Variants in ACP6 observed in about 807,000 individuals in gnomAD.
ACP6 encodes acid phosphatase 6, lysophosphatidic.
Under a neutral mutation model 48.1 loss-of-function variants are expected in ACP6, and 48 were observed. That is an observed-to-expected ratio of 1.00 (90% CI 0.79 to 1.27). ACP6 has a LOEUF of 1.27. Ranked by LOEUF, ACP6 falls within the 50% of genes most tolerant of loss-of-function variation. The pLI, the probability that ACP6 is intolerant of heterozygous loss-of-function variation, is 0.00. For missense variants in ACP6, 485 were observed against 529.1 expected, an observed-to-expected ratio of 0.92 and a Z score of 0.82; for synonymous variants, 172 against 204.2, an observed-to-expected ratio of 0.84 and a Z score of 1.34.
chr1:147,635,773 G>A (rs782639683), intron 5 of ACP6, among the ~76,000 whole-genome samples: 4 of 152,188 alleles, frequency 2.6e-5, no homozygotes, highest in Non-Finnish European at 5.9e-5. Context: ...GAGCCAAGTG[G>A]AGGGCCAAGA....
chr1:147,654,995 C>T (rs1211034424), intron 5 of ACP6, among the ~76,000 whole-genome samples, 166 bp downstream of exon 5: 5 of 152,214 alleles, frequency 3.3e-5, no homozygotes, highest in African/African-American at 9.6e-5. Context: ...AAGACTTCTT[C>T]GCTTCCTAGA....
chr1:147,658,927 G>A, intron 4 of ACP6, 33 bp downstream of exon 4: 2 of 1,576,328 alleles, frequency 1.3e-6, no homozygotes, highest in Non-Finnish European at 1.7e-6. Context: ...GACCCCTCAG[G>A]GACAGGGACT....
Position 147,642,506 on chromosome 1 carries a change from T to A in ACP6, c.*4917A>T, listed in dbSNP as rs1659486051. On this transcript the variant is annotated 3_prime_UTR_variant, in exon 10 of 10. Coordinates refer to ENST00000583509, the MANE Select transcript of ACP6 (RefSeq NM_016361.5). ...TTTTTAAACATACTATAGGTCTGGC[T>A]AGGGAGATATGTGAGGGGTGAAGCT... The A allele has an allele frequency of 6.6e-6, 1 of 151,272 alleles. No individual in the cohort carries two copies. Among genetic ancestry groups the A allele is most frequent in the Non-Finnish European group, 1.5e-5 (1 of 67,942 alleles). 9.4% of individuals were successfully genotyped at this position (151,272 alleles called of 1,614,324 possible). A position where few individuals can be genotyped will look rare whatever the true frequency, so the allele number is the denominator to read the frequency against.
intron 1 of ACP6, among the ~76,000 whole-genome samples, chr1:147,668,440 C>T (rs1660913751): frequency 6.6e-6 from 1 of 151,010 alleles, no homozygotes; most frequent in Non-Finnish European, 1.5e-5. Flanking sequence ...ATATATGGTA[C>T]ATACTAGGTC....
At chr1:147,631,947 C>T (rs1458248047) in intron 5 of ACP6, among the ~76,000 whole-genome samples, 7 of 152,280 alleles carry the variant, frequency 4.6e-5, no homozygotes, top group African/African-American at 1.7e-4. Context: ...CCCAGCGCCT[C>T]TCCAGTTTTG....
intron 4 of ACP6, among the ~76,000 whole-genome samples, chr1:147,656,162 C>T (rs1241468867): frequency 1.3e-5 from 2 of 152,208 alleles, no homozygotes; most frequent in African/African-American, 4.8e-5. Flanking sequence ...AGAATTCACA[C>T]ACACATCGTT....
downstream of ACP6, among the ~76,000 whole-genome samples, chr1:147,640,704 G>A (rs1659424651): frequency 6.6e-6 from 1 of 152,188 alleles, no homozygotes. Context: ...GGTCTCTTGA[G>A]TTCTCAGACA....
At chr1:147,666,805 G>A (rs587768726) in intron 1 of ACP6, among the ~76,000 whole-genome samples, 13 of 152,156 alleles carry the variant, frequency 8.5e-5, no homozygotes, top group Admixed American at 2.6e-4. Flanking sequence ...CTGAAGAATG[G>A]GTGGACCTCA....
Position 147,670,043 on chromosome 1 carries a change from G to T in ACP6, c.6C>A (p.Ile2=), listed in dbSNP as rs782183562. The T allele has an allele frequency of 6.6e-7, 1 of 1,512,154 alleles. No individual in the cohort carries two copies. The highest frequency in any genetic ancestry group is 1.2e-5 in the South Asian group (1 of 82,762). The allele number at this position is 1,512,154 out of a possible 1,614,324, so 93.7% of individuals were successfully genotyped here. M[I]TGVFSMRLWT... The stretch of plus-strand genomic sequence containing the variant: ...ACAAGCGCATGCTGAACACACCAGT[G>T]ATCATGGTGGTAGGCCCTCGCTGCC... Residue 2 remains isoleucine (I), a synonymous_variant, in exon 1 of 10, where the codon ATC becomes ATA. Coordinates refer to ENST00000583509, the MANE Select transcript of ACP6 (RefSeq NM_016361.5).
chr1:147,657,205 G>C (rs1660300337), intron 4 of ACP6, among the ~76,000 whole-genome samples: 1 of 149,242 alleles, frequency 6.7e-6, no homozygotes, highest in Admixed American at 6.8e-5. Flanking sequence ...CTGGATTTTG[G>C]ACCCAGTTTA....
At chr1:147,635,776 G>A (rs587630200) in intron 5 of ACP6, among the ~76,000 whole-genome samples, 1 of 152,272 alleles carries the variant, frequency 6.6e-6, no homozygotes, top group East Asian at 1.9e-4. Flanking sequence ...CCAAGTGGAG[G>A]GCCAAGAACT....
intron 7 of ACP6, chr1:147,651,896 T>C (rs1659942449): frequency 6.6e-6 from 1 of 152,214 alleles, no homozygotes; most frequent in African/African-American, 2.4e-5. Context: ...TCCATTCTGG[T>C]AGTCAGGAAA....
chr1:147,659,413 G>T lies in ACP6; in HGVS notation c.462C>A (p.Phe154Leu), dbSNP rs1445948528. The T allele has an allele frequency of 8.1e-6, 13 of 1,614,038 alleles. No individual in the cohort carries two copies. Among genetic ancestry groups the T allele is most frequent in the Non-Finnish European group, 1.1e-5 (13 of 1,180,006 alleles). ...VEDIPFLSPT[F>L]NPQEVFIRST... Reference sequence around the variant, plus strand: ...TGACTCACAAGACCTCCTGTGGGTTGAAGGTTGGTGAAAGAAAGGGAATGT... The same window carrying T: ...TGACTCACAAGACCTCCTGTGGGTTTAAGGTTGGTGAAAGAAAGGGAATGT... The change falls in exon 3 of 10, where the codon TTC becomes TTA. Residue 154 changes from phenylalanine to leucine, a missense_variant. Physicochemically the swap from Phe to Leu is conservative, Grantham distance 22 (BLOSUM62 0). Coordinates refer to ENST00000583509, the MANE Select transcript of ACP6 (RefSeq NM_016361.5).
rs782323936 is a variant in ACP6 at position 147,655,179 on chromosome 1, C to G, written c.629G>C (p.Ser210Thr). 6.2e-6 allele frequency: 10 copies of G among 1,607,404 alleles called. No homozygotes were observed. The South Asian group carries it at 1.0e-4, about 16-fold the overall frequency. ...CAGTTACCTGGTTCTCTGCCTCAGG[C>G]TCCAGCAGCTTTGGTAGTTGGGATA... is the stretch of plus-strand genomic sequence containing the variant. ...VLYPNYQSCW[S>T]LRQRTRGRRQ... The change falls in exon 5 of 10, where the codon AGC becomes ACC. Residue 210 changes from serine (S) to threonine (T), a missense_variant. Transcript: ENST00000583509.
At chr1:147,633,075 G>A (rs1251382837) in intron 5 of ACP6, among the ~76,000 whole-genome samples, 6 of 152,146 alleles carry the variant, frequency 3.9e-5, no homozygotes, top group African/African-American at 7.2e-5. Context: ...CACTTGAGCC[G>A]TCCGATAATG....
intron 1 of ACP6, among the ~76,000 whole-genome samples, chr1:147,668,532 C>T (rs1553214024): frequency 6.6e-6 from 1 of 151,790 alleles, no homozygotes; most frequent in East Asian, 1.9e-4. Context: ...TATATTCCTA[C>T]ATGTGATTCC....
At position 147,631,833 on chromosome 1, in the gene ACP6, CA is replaced by C. The variant is rs35541141; in HGVS notation, c.461-769del. 2.0e-5 allele frequency among the ~76,000 whole-genome samples: 3 copies of C among 147,280 alleles called. No homozygotes were observed. The East Asian group carries it at 6.3e-4, about 31-fold the overall frequency. The stretch of plus-strand genomic sequence containing the variant: ...TGTCTTAAAACAACAACAACAACAA[CA>C]AAAAAAACAGTATGAATCACACCAC... On this transcript the variant is annotated intron_variant, in intron 5 of 5. Transcript: ENST00000609196.
At chr1:147,631,131 TC>T (rs1169538493) in intron 5 of ACP6, 2 of 152,142 alleles carry the variant, frequency 1.3e-5, no homozygotes, top group East Asian at 3.8e-4. Context: ...AAGGATCACT[TC>T]CATACAAAGG....
intron 1 of ACP6, among the ~76,000 whole-genome samples, chr1:147,666,812 C>T (rs587637435): frequency 1.3e-5 from 2 of 152,294 alleles, no homozygotes; most frequent in Non-Finnish European, 2.9e-5. Flanking sequence ...ATGGGTGGAC[C>T]TCATGTAATG....
Sources: allele counts gnomAD v4.1 joint callset (sites outside exome capture counted in the v4.1 genomes callset), GRCh38; gene constraint gnomAD v4.1.1; transcripts MANE v1.5; gene names NCBI Gene and HGNC (gene_info 2026-07-23, HGNC 2026-07-21).